TEX2: variants seen among roughly 807,000 people sequenced by gnomAD.
The protein encoded by TEX2 is testis expressed 2.
TEX2 carries 53 observed loss-of-function variants against 106.9 expected under a neutral mutation model. That is an observed-to-expected ratio of 0.50 (90% CI 0.40 to 0.62). The LOEUF is 0.62. Among genes scored for constraint, TEX2 ranks in the 20% least tolerant of loss-of-function variants. The pLI is 0.00. For missense variants in TEX2, 1,207 were observed against 1,379.0 expected, an observed-to-expected ratio of 0.88 and a Z score of 1.98; for synonymous variants, 523 against 534.8, an observed-to-expected ratio of 0.98 and a Z score of 0.30.
At chr17:64,258,914 C>G (rs1041755922) in intron 1 of TEX2, among the ~76,000 whole-genome samples, 1 of 152,108 alleles carries the variant, frequency 6.6e-6, no homozygotes, top group East Asian at 1.9e-4. Flanking sequence ...TGTGCCACCA[C>G]GCCTGGCTAA....
intron 7 of TEX2, among the ~76,000 whole-genome samples, chr17:64,165,305 C>A (rs1055754686): frequency 1.8e-4 from 27 of 152,174 alleles, no homozygotes; most frequent in Non-Finnish European, 1.5e-4. Context: ...TGATAGACAT[C>A]ATTTTTAGCC....
In TEX2 at chr17:64,195,220, C is replaced by G; in HGVS notation, c.1645-125G>C. ...CTTGATCACGACACAGATATCAGCT[C>G]ACCAATGACTACAGGTTGCAAAGAG... On this transcript the variant is annotated intron_variant, in intron 2 of 11. Coordinates refer to ENST00000584379, the MANE Select transcript of TEX2 (RefSeq NM_001288732.2). This position sits in a 1 kb window ranked among gnomAD's most constrained non-coding sequence, Gnocchi z 4.1. 1 of 837,214 alleles carries G rather than the reference C, an allele frequency of 1.2e-6. No homozygotes were observed. Among genetic ancestry groups the G allele is most frequent in the Admixed American group, 2.1e-5 (1 of 47,130 alleles). The allele number at this position is 837,214 out of a possible 1,614,324, so 51.9% of individuals were successfully genotyped here.
At chr17:64,173,677 T>G (rs1398281864) in intron 6 of TEX2, among the ~76,000 whole-genome samples, 1 of 152,218 alleles carries the variant, frequency 6.6e-6, no homozygotes, top group Non-Finnish European at 1.5e-5. Flanking sequence ...TATTGGCCTC[T>G]CTACCAACCT....
rs2143584224 is a variant in TEX2, at chr17:64,150,848, T to G, written c.3254A>C (p.Glu1085Ala). 2 of 1,613,244 alleles carry G rather than the reference T, an allele frequency of 1.2e-6. No individual in the cohort carries two copies. The highest frequency in any genetic ancestry group is 1.7e-5 in the Admixed American group (1 of 59,856). Residue 1085 changes from glutamate to alanine, a missense_variant, in exon 11 of 12, where the codon GAG becomes GCG. Glu to Ala is a moderately radical substitution (Grantham distance 107, BLOSUM62 -1). Around this residue, in one of 3 missense-constraint regions of TEX2, gnomAD observed 77 missense variants for 73.2 expected, o/e 1.05. Coordinates refer to ENST00000584379, the MANE Select transcript of TEX2 (RefSeq NM_001288732.2). Reference protein sequence around the residue: ...TDWIEKKLEQEFQKVFVMPNM... With the variant: ...TDWIEKKLEQAFQKVFVMPNM... ...ATAACACTAGAGGTTTACCTGAAACTCTTGCTCCAGTTTCTTCTCTATCCA... is the reference window on the plus strand; with the variant it reads ...ATAACACTAGAGGTTTACCTGAAACGCTTGCTCCAGTTTCTTCTCTATCCA...
chr17:64,160,633 G>A (rs573342783), intron 8 of TEX2, among the ~76,000 whole-genome samples, 168 bp downstream of exon 8: 1 of 152,224 alleles, frequency 6.6e-6, no homozygotes, highest in Non-Finnish European at 1.5e-5. Context: ...CAGGCCACTG[G>A]GGATGAGACT....
chr17:64,151,706 G>C (rs935422864), intron 10 of TEX2, among the ~76,000 whole-genome samples: 1 of 152,180 alleles, frequency 6.6e-6, no homozygotes, highest in African/African-American at 2.4e-5. Context: ...CAGCATTTGA[G>C]CATGCCTTGG....
intron 6 of TEX2, among the ~76,000 whole-genome samples, chr17:64,171,564 G>A (rs2031400929): frequency 1.3e-5 from 2 of 152,136 alleles, no homozygotes; most frequent in African/African-American, 2.4e-5. Flanking sequence ...TCCCTGAGGA[G>A]TGGCATTTGA....
intron 2 of TEX2, among the ~76,000 whole-genome samples, chr17:64,206,031 A>G (rs2032817316): frequency 6.6e-6 from 1 of 152,228 alleles, no homozygotes; most frequent in Non-Finnish European, 1.5e-5. Context: ...ATAAACATGT[A>G]GAAAGTTAGT....
chr17:64,152,916 C>T, intron 10 of TEX2, 29 bp downstream of exon 10: 1 of 1,604,644 alleles, frequency 6.2e-7, no homozygotes, highest in Non-Finnish European at 8.5e-7. Context: ...GGAGGAATCA[C>T]TTATTGTCCC....
chr17:64,253,827 C>G (rs1252728206), intron 1 of TEX2, among the ~76,000 whole-genome samples: 1 of 152,162 alleles, frequency 6.6e-6, no homozygotes, highest in Non-Finnish European at 1.5e-5. Context: ...TTCAGAATTT[C>G]TAGAAAAATT....
chr17:64,245,496 A>C (rs1555636181), intron 1 of TEX2, among the ~76,000 whole-genome samples: 1 of 152,200 alleles, frequency 6.6e-6, no homozygotes, highest in Non-Finnish European at 1.5e-5. Context: ...GTGTATGTGA[A>C]CGCTCATCTA....
intron 6 of TEX2, among the ~76,000 whole-genome samples, chr17:64,175,549 G>T (rs1337137322): frequency 6.6e-6 from 1 of 152,234 alleles, no homozygotes; most frequent in Non-Finnish European, 1.5e-5. Flanking sequence ...GCTCAAGAGA[G>T]AAGGGTGGGA....
At position 64,193,564 on chromosome 17, in the gene TEX2, T is replaced by C. The variant is rs779884194; in HGVS notation, c.2171A>G (p.Lys724Arg). ...TTTAGCACAAACATCATTACCTGGT[T>C]TACCTCCAGAGACACCCGATGACTT... ...IKKSSGVSGG[K>R]PGLLPAHSRH... Residue 724 changes from lysine to arginine, a missense_variant, in exon 4 of 12, where the codon AAA (lysine) becomes AGA (arginine). Around this residue, in one of 3 missense-constraint regions of TEX2, gnomAD observed 1,067 missense variants for 1,193.6 expected, o/e 0.89. Transcript: ENST00000584379. 2.8e-6 allele frequency: 4 copies of C among 1,416,296 alleles called. No individual in the cohort carries two copies. The African/African-American group carries it at 4.3e-5, about 15-fold the overall frequency. The allele number at this position is 1,416,296 out of a possible 1,614,324, so 87.7% of individuals were successfully genotyped here.
intron 5 of TEX2, among the ~76,000 whole-genome samples, chr17:64,184,224 T>C (rs975156672): frequency 6.6e-6 from 1 of 152,116 alleles, no homozygotes; most frequent in African/African-American, 2.4e-5. Context: ...GCCTTCTGAG[T>C]AGCTGGGACT....
At chr17:64,161,099 A>C (rs981620213) in intron 7 of TEX2, among the ~76,000 whole-genome samples, 166 bp from the exon 8 acceptor site, 1 of 152,176 alleles carries the variant, frequency 6.6e-6, no homozygotes, top group Admixed American at 6.5e-5. Flanking sequence ...CCATCGACAC[A>C]CACGAGAACA....
At chr17:64,228,672 G>C (rs2033576638) in intron 1 of TEX2, among the ~76,000 whole-genome samples, 2 of 152,126 alleles carry the variant, frequency 1.3e-5, no homozygotes, top group East Asian at 1.9e-4. Flanking sequence ...CTCACCTCCT[G>C]GTGTGCAGCC....
chr17:64,240,544 A>G lies in TEX2; in HGVS notation c.-26+22624T>C, dbSNP rs115593187. ...CAGACTGACCCCTCTGAGCAGTCAA[A>G]CTCTAGCTCTGCCCCTCACCAGCTG... On this transcript the variant is annotated intron_variant, in intron 1 of 11. Transcript: ENST00000584379. Among the ~76,000 whole-genome samples the G allele has an allele frequency of 6.6e-3, 1,008 of 152,260 alleles. 13 individuals are homozygous for G. The highest frequency in any genetic ancestry group is 0.023 in the African/African-American group (961 of 41,544).
At chr17:64,206,641 G>A (rs1040291941) in intron 2 of TEX2, among the ~76,000 whole-genome samples, 3 of 136,812 alleles carry the variant, frequency 2.2e-5, no homozygotes, top group African/African-American at 5.6e-5. Flanking sequence ...TCAGCTCACT[G>A]CAACCTCCAC....
At chr17:64,262,077 C>T (rs1441016402) in intron 1 of TEX2, among the ~76,000 whole-genome samples, 1 of 152,224 alleles carries the variant, frequency 6.6e-6, no homozygotes, top group Non-Finnish European at 1.5e-5. Flanking sequence ...CCTCTGAATC[C>T]TCTGAGAATC....
Sources: allele counts gnomAD v4.1 joint callset (sites outside exome capture counted in the v4.1 genomes callset), GRCh38; gene constraint gnomAD v4.1.1; regional missense constraint gnomAD v4.1.1; non-coding constraint Gnocchi (gnomAD v3.1); transcripts MANE v1.5; gene names NCBI Gene and HGNC (gene_info 2026-07-23, HGNC 2026-07-21).